SH3RF3: variants seen among roughly 807,000 people sequenced by gnomAD.
The protein encoded by SH3RF3 is E3 ubiquitin-protein ligase SH3RF3.
SH3RF3 carries 29 observed loss-of-function variants against 66.3 expected under a neutral mutation model. The observed-to-expected ratio is 0.44, with a 90% confidence interval of 0.33 to 0.60. The LOEUF is 0.60. Ranked by LOEUF, SH3RF3 falls within the 20% of genes least tolerant of loss-of-function variation. The pLI is 0.04. For missense variants in SH3RF3, 1,194 were observed against 1,190.9 expected (o/e 1.00, Z -0.04); for synonymous variants, 583 against 532.0 (o/e 1.10, Z -1.32).
At chr2:109,243,423 T>C (rs1679835382) in intron 1 of SH3RF3, among the ~76,000 whole-genome samples, 2 of 152,154 alleles carry the variant, frequency 1.3e-5, no homozygotes, top group African/African-American at 4.8e-5. Context: ...GCATCAAGTG[T>C]GTGGTGGCAA....
intron 1 of SH3RF3, among the ~76,000 whole-genome samples, chr2:109,336,725 C>G (rs1240804873): frequency 6.6e-6 from 1 of 152,210 alleles, no homozygotes; most frequent in Non-Finnish European, 1.5e-5. Flanking sequence ...CTGCAACATC[C>G]AATTTTGTGG....
intron 3 of SH3RF3, among the ~76,000 whole-genome samples, chr2:109,397,614 G>A (rs1177848574): frequency 1.3e-5 from 2 of 152,168 alleles, no homozygotes; most frequent in East Asian, 1.9e-4. Context: ...CTCACAGATG[G>A]TGAACTGACC....
chr2:109,208,641 A>G (rs1391829618), intron 1 of SH3RF3, among the ~76,000 whole-genome samples: 1 of 152,166 alleles, frequency 6.6e-6, no homozygotes, highest in African/African-American at 2.4e-5. Flanking sequence ...GTTTTAATAC[A>G]CTAAGTTTGG....
intron 8 of SH3RF3, among the ~76,000 whole-genome samples, chr2:109,476,669 C>A (rs547507271): frequency 2.0e-5 from 3 of 152,180 alleles, no homozygotes; most frequent in South Asian, 4.1e-4. Context: ...CTTGGATCTC[C>A]CGCAAGAAAG....
intron 1 of SH3RF3, among the ~76,000 whole-genome samples, chr2:109,308,080 A>G (rs1681641123): frequency 6.8e-6 from 1 of 146,406 alleles, no homozygotes; most frequent in Non-Finnish European, 1.5e-5. Context: ...CCTCTCCAGC[A>G]CCTGTTGTTT....
intron 1 of SH3RF3, among the ~76,000 whole-genome samples, chr2:109,335,517 G>A (rs1446225354): frequency 6.6e-6 from 1 of 152,132 alleles, no homozygotes; most frequent in Non-Finnish European, 1.5e-5. Flanking sequence ...TTACCTTCTC[G>A]ATGATGACGT....
intron 1 of SH3RF3, among the ~76,000 whole-genome samples, chr2:109,235,839 A>G (rs1679634302): frequency 6.6e-6 from 1 of 152,200 alleles, no homozygotes; most frequent in African/African-American, 2.4e-5. Context: ...CCTCTCCTAC[A>G]TGCTTGACTG....
At chr2:109,231,882 A>G (rs1183883374) in intron 1 of SH3RF3, among the ~76,000 whole-genome samples, 2 of 152,254 alleles carry the variant, frequency 1.3e-5, no homozygotes, top group African/African-American at 4.8e-5. Flanking sequence ...TGTAATTCAC[A>G]TGCCATGTAA....
At chr2:109,186,693 A>G (rs1451035775) in intron 1 of SH3RF3, among the ~76,000 whole-genome samples, 1 of 152,192 alleles carries the variant, frequency 6.6e-6, no homozygotes, top group Non-Finnish European at 1.5e-5. Flanking sequence ...AGCTTTTCTC[A>G]AAGGAGCCAC....
chr2:109,302,433 A>G (rs1681491662), intron 1 of SH3RF3, among the ~76,000 whole-genome samples: 2 of 152,242 alleles, frequency 1.3e-5, no homozygotes, highest in African/African-American at 4.8e-5. Flanking sequence ...CATGCCATGG[A>G]GGCAGAGAGC....
intron 1 of SH3RF3, among the ~76,000 whole-genome samples, chr2:109,150,399 G>A (rs559313807): frequency 4.9e-4 from 75 of 152,252 alleles, no homozygotes; most frequent in African/African-American, 1.6e-3. Context: ...GATGATAGTC[G>A]AAGCCATTTT....
chr2:109,311,555 C>A (rs1454768061), intron 1 of SH3RF3, among the ~76,000 whole-genome samples: 1 of 152,024 alleles, frequency 6.6e-6, no homozygotes, highest in East Asian at 1.9e-4. Context: ...GTCAAATTGT[C>A]CCTGTTTGCA....
intron 1 of SH3RF3, among the ~76,000 whole-genome samples, chr2:109,342,328 A>AG (rs976319524): frequency 2.5e-4 from 38 of 152,306 alleles, no homozygotes; most frequent in African/African-American, 9.1e-4. Context: ...CCCCAGTCCC[A>AG]GGGGACTGGT....
rs531828949 is a variant in SH3RF3, at chr2:109,374,800, G to A, written c.945+3119G>A. Among the ~76,000 whole-genome samples, 9 of 152,342 alleles carry A rather than the reference G, an allele frequency of 5.9e-5. No homozygotes were observed. In the East Asian group the frequency reaches 1.4e-3, roughly 23 times the overall value. ...TACCCAGCGCACAGCTGCCCTATGG[G>A]GTTCACCGAGGGACTCTCACCTCGC... On this transcript the variant is annotated intron_variant, in intron 3 of 9. Coordinates refer to ENST00000309415, the MANE Select transcript of SH3RF3 (RefSeq NM_001099289.3).
intron 1 of SH3RF3, among the ~76,000 whole-genome samples, chr2:109,141,867 A>T (rs1364204594): frequency 6.6e-6 from 1 of 152,048 alleles, no homozygotes; most frequent in South Asian, 2.1e-4. Context: ...GACCCCCCAG[A>T]TGTGCCAGTC....
intron 9 of SH3RF3, among the ~76,000 whole-genome samples, chr2:109,498,333 C>T (rs1679305548): frequency 6.6e-6 from 1 of 152,184 alleles, no homozygotes; most frequent in South Asian, 2.1e-4. Flanking sequence ...CACTGCACCC[C>T]CAAGTCAGCC....
chr2:109,456,916 G>A (rs1678074601), intron 8 of SH3RF3, among the ~76,000 whole-genome samples: 1 of 152,236 alleles, frequency 6.6e-6, no homozygotes, highest in African/African-American at 2.4e-5. Context: ...AAGTGGCAGG[G>A]ACGAGGGAAG....
intron 8 of SH3RF3, among the ~76,000 whole-genome samples, chr2:109,453,963 G>A (rs1052451409): frequency 6.6e-6 from 1 of 152,206 alleles, no homozygotes; most frequent in Non-Finnish European, 1.5e-5. Context: ...GGAGGGCCTC[G>A]TTGCCAACTG....
At chr2:109,438,201 A>G (rs1263733276) in intron 7 of SH3RF3, among the ~76,000 whole-genome samples, 2 of 152,224 alleles carry the variant, frequency 1.3e-5, no homozygotes, top group East Asian at 1.9e-4. Context: ...CTGATGGGAC[A>G]AGGGGTGGGA....
Sources: gnomAD v4.1 joint callset for allele counts (sites outside exome capture counted in the v4.1 genomes callset) on GRCh38, gnomAD v4.1.1 for gene constraint, MANE v1.5 for transcripts, NCBI Gene and HGNC (gene_info 2026-07-23, HGNC 2026-07-21) for gene names.